The following MARK1 variants were observed in gnomAD, a reference collection of about 807,000 sequenced individuals.
MARK1 encodes serine/threonine-protein kinase MARK1.
In MARK1, 40 loss-of-function variants were observed where a neutral mutation model predicts 96.3. The observed-to-expected ratio is 0.42, with a 90% CI of 0.32 to 0.54. The LOEUF (loss-of-function observed/expected upper bound fraction) is 0.54, where lower values mean the gene tolerates loss of function less well. MARK1 is among the 20% of genes least tolerant of loss of function. MARK1 has a pLI of 0.16. For missense variants in MARK1, 719 were observed against 984.6 expected (o/e 0.73, Z 3.61); for synonymous variants, 317 against 341.2 (o/e 0.93, Z 0.78).
chr1:220,539,159 G>T (rs1660946262), intron 1 of MARK1, among the ~76,000 whole-genome samples: 1 of 150,316 alleles, frequency 6.7e-6, no homozygotes, highest in South Asian at 2.1e-4. Context: ...TTTTCAAAGG[G>T]AATGCTTCCA....
chr1:220,603,096 G>A (rs1055212875), intron 5 of MARK1, among the ~76,000 whole-genome samples: 3 of 151,710 alleles, frequency 2.0e-5, no homozygotes, highest in African/African-American at 7.3e-5. Flanking sequence ...GAGTTTTTTT[G>A]TTTTTACCAC....
chr1:220,616,735 A>G lies in MARK1; in HGVS notation c.552+740A>G, dbSNP rs1666773311. Among the ~76,000 whole-genome samples, 3 of 152,286 alleles carry G rather than the reference A, an allele frequency of 2.0e-5. No individual in the cohort carries two copies. The South Asian group carries it at 6.2e-4, about 32-fold the overall frequency. On this transcript the variant is annotated intron_variant, in intron 7 of 17. Coordinates refer to ENST00000366917, the MANE Select transcript of MARK1 (RefSeq NM_018650.5). ...ATTTTAGCTTCATTTTTCAGAGCTT[A>G]TGAATTTTCTGTTGCTCCAAATTTT...
At chr1:220,657,899 C>T in intron 17 of MARK1, 65 bp downstream of exon 17, 1 of 1,160,266 alleles carries the variant, frequency 8.6e-7, no homozygotes, top group Non-Finnish European at 1.2e-6. Context: ...TTTTGAAATA[C>T]TTACAGCACT....
intron 1 of MARK1, among the ~76,000 whole-genome samples, chr1:220,568,517 C>CT (rs899153510): frequency 2.6e-5 from 4 of 152,044 alleles, no homozygotes; most frequent in African/African-American, 9.7e-5. Flanking sequence ...CTTTGTTAGT[C>CT]TTACCTTATT....
intron 1 of MARK1, among the ~76,000 whole-genome samples, chr1:220,535,323 A>G (rs137895980): frequency 9.9e-5 from 15 of 152,200 alleles, no homozygotes; most frequent in African/African-American, 3.6e-4. Flanking sequence ...TTCCCAGATG[A>G]TTTGTGATGT....
chr1:220,544,453 A>G (rs1044643260), intron 1 of MARK1, among the ~76,000 whole-genome samples: 2 of 152,198 alleles, frequency 1.3e-5, no homozygotes, highest in African/African-American at 4.8e-5. Flanking sequence ...TCTTTTGCAC[A>G]CTTGCTTACC....
chr1:220,557,193 A>G (rs1355339784), intron 1 of MARK1, among the ~76,000 whole-genome samples: 1 of 152,210 alleles, frequency 6.6e-6, no homozygotes, highest in Non-Finnish European at 1.5e-5. Context: ...AATAACAAAT[A>G]TTTTTAAAAT....
chr1:220,528,657 T>G lies in MARK1; in HGVS notation c.-166T>G, dbSNP rs1342560684. The G allele has an allele frequency of 1.8e-6, 1 of 543,526 alleles. No homozygotes were observed. The highest frequency in any genetic ancestry group is 3.5e-5 in the East Asian group (1 of 28,204). The allele number at this position is 543,526 out of a possible 1,614,324, so 33.7% of individuals were successfully genotyped here. The stretch of plus-strand genomic sequence containing the variant: ...CCCCCTCCTCTTCCTCCGCGTCCTC[T>G]TCCCTCTTTCCCCCGCCGGGGCCGC... On this transcript the variant is annotated 5_prime_UTR_variant, in exon 1 of 18. Transcript: ENST00000366917.
chr1:220,584,733 T>C (rs1201071996), intron 3 of MARK1, among the ~76,000 whole-genome samples: 1 of 152,206 alleles, frequency 6.6e-6, no homozygotes, highest in Non-Finnish European at 1.5e-5. Flanking sequence ...TTTTAGCAAA[T>C]TATCAGAAAC....
At chr1:220,536,827 T>C (rs1660726573) in intron 1 of MARK1, among the ~76,000 whole-genome samples, 1 of 152,178 alleles carries the variant, frequency 6.6e-6, no homozygotes, top group South Asian at 2.1e-4. Context: ...GTGATCTACC[T>C]GCCTCAGCCT....
intron 13 of MARK1, among the ~76,000 whole-genome samples, chr1:220,647,700 C>CTA (rs377425674): frequency 0.012 from 1,790 of 152,190 alleles, 20 homozygotes; most frequent in Middle Eastern, 0.037. Flanking sequence ...ACACCACAGA[C>CTA]TACTATGCAG....
chr1:220,585,478 A>G (rs1156743444), intron 3 of MARK1, among the ~76,000 whole-genome samples: 1 of 152,196 alleles, frequency 6.6e-6, no homozygotes, highest in Admixed American at 6.5e-5. Flanking sequence ...CAGTTTAGTG[A>G]CCAAAAATCT....
chr1:220,534,299 C>T (rs1055050909), intron 1 of MARK1, among the ~76,000 whole-genome samples: 8 of 151,992 alleles, frequency 5.3e-5, no homozygotes, highest in Non-Finnish European at 1.2e-4. Context: ...ATTATACTAG[C>T]AACATTAAAA....
intron 6 of MARK1, among the ~76,000 whole-genome samples, chr1:220,611,120 G>A (rs1344042953): frequency 1.3e-5 from 2 of 152,160 alleles, no homozygotes; most frequent in African/African-American, 4.8e-5. Flanking sequence ...CTGTCAGACA[G>A]GGACATTTAA....
chr1:220,600,619 T>C (rs569913711), intron 5 of MARK1, among the ~76,000 whole-genome samples: 1 of 152,284 alleles, frequency 6.6e-6, no homozygotes, highest in East Asian at 1.9e-4. Context: ...AATCATTTAA[T>C]AAGTAAAAAT....
At chr1:220,647,316 C>T (rs1395310521) in intron 13 of MARK1, among the ~76,000 whole-genome samples, 1 of 152,108 alleles carries the variant, frequency 6.6e-6, no homozygotes, top group Non-Finnish European at 1.5e-5. Context: ...CATCACTAAT[C>T]ATTAGAGAAA....
chr1:220,598,652 A>G (rs1336433527), intron 4 of MARK1, among the ~76,000 whole-genome samples: 7 of 151,938 alleles, frequency 4.6e-5, no homozygotes. Context: ...GAATTAATGC[A>G]TACAATTTTT....
chr1:220,544,401 T>C (rs1163460167), intron 1 of MARK1, among the ~76,000 whole-genome samples: 1 of 152,174 alleles, frequency 6.6e-6, no homozygotes, highest in Non-Finnish European at 1.5e-5. Flanking sequence ...GTTATCTCGA[T>C]AGTGGGTTGT....
At chr1:220,640,256 A>G (rs1302871869) in intron 13 of MARK1, among the ~76,000 whole-genome samples, 1 of 152,250 alleles carries the variant, frequency 6.6e-6, no homozygotes, top group Non-Finnish European at 1.5e-5. Context: ...AATAGTGCCC[A>G]TAACATCCAT....
Sources: gnomAD v4.1 joint callset for allele counts (sites outside exome capture counted in the v4.1 genomes callset) on GRCh38, gnomAD v4.1.1 for gene constraint, MANE v1.5 for transcripts, NCBI Gene and HGNC (gene_info 2026-07-23, HGNC 2026-07-21) for gene names.